Variants in XIRP2 observed in about 807,000 individuals in gnomAD.
XIRP2 encodes xin actin-binding repeat-containing protein 2.
Under a neutral mutation model 277.0 loss-of-function variants are expected in XIRP2, and 236 were observed. The observed-to-expected ratio is 0.85, with a 90% CI of 0.77 to 0.95. XIRP2 has a LOEUF of 0.95. Ranked by LOEUF, XIRP2 falls within the 40% of genes least tolerant of loss-of-function variation. The probability of loss-of-function intolerance (pLI) is 0.00; values close to 1 mark genes in which losing one functional copy is unlikely to be tolerated. For missense variants in XIRP2, 4,640 were observed against 4,157.5 expected, an observed-to-expected ratio of 1.12 and a Z score of -3.19; for synonymous variants, 1,490 against 1,416.5, an observed-to-expected ratio of 1.05 and a Z score of -1.17.
intron 2 of XIRP2, among the ~76,000 whole-genome samples, chr2:167,035,851 C>G (rs569033823): frequency 6.6e-5 from 10 of 152,312 alleles, no homozygotes; most frequent in Non-Finnish European, 1.5e-4. Flanking sequence ...TAACCCATGG[C>G]CCCTATGCTT....
chr2:166,941,928 A>G (rs1238661954), intron 2 of XIRP2, among the ~76,000 whole-genome samples: 3 of 152,252 alleles, frequency 2.0e-5, no homozygotes, highest in East Asian at 1.9e-4. Flanking sequence ...TAAAGTTACA[A>G]TAAAGAAACA....
intron 4 of XIRP2, among the ~76,000 whole-genome samples, chr2:167,211,150 G>A (rs1408434755): frequency 1.3e-5 from 2 of 151,992 alleles, no homozygotes; most frequent in African/African-American, 2.4e-5. Flanking sequence ...TGTCATCCAG[G>A]CTGGAGTGCA....
At chr2:167,149,200 A>G (rs1297165327) in intron 3 of XIRP2, among the ~76,000 whole-genome samples, 1 of 152,190 alleles carries the variant, frequency 6.6e-6, no homozygotes, top group Non-Finnish European at 1.5e-5. Context: ...CCAAATTCAC[A>G]TATTTGTGAG....
At chr2:166,926,252 A>G (rs991131054) in intron 2 of XIRP2, among the ~76,000 whole-genome samples, 1 of 151,984 alleles carries the variant, frequency 6.6e-6, no homozygotes, top group Non-Finnish European at 1.5e-5. Flanking sequence ...CATTTCTTTT[A>G]AAAATGTTTT....
At chr2:167,107,416 T>G (rs907070301) in intron 2 of XIRP2, among the ~76,000 whole-genome samples, 1 of 151,834 alleles carries the variant, frequency 6.6e-6, no homozygotes, top group African/African-American at 2.4e-5. Context: ...CATGGATTAG[T>G]GCTGAATTTT....
chr2:167,102,611 T>C (rs1690516523), intron 2 of XIRP2, among the ~76,000 whole-genome samples: 1 of 152,220 alleles, frequency 6.6e-6, no homozygotes, highest in Non-Finnish European at 1.5e-5. Flanking sequence ...ATGGTAACTA[T>C]ACCATTGTTT....
chr2:167,249,974 A>T lies in XIRP2; in HGVS notation c.8582A>T (p.His2861Leu). 6.2e-7 allele frequency: 1 copy of T among 1,613,658 alleles called. No homozygotes were observed. The highest frequency in any genetic ancestry group is 8.5e-7 in the Non-Finnish European group (1 of 1,179,706). ...GTCAAGCAAAAGGTTATCGATGCAC[A>T]TCTTGATTCACAGACTCAGAATTTT... ...KVVKQKVIDA[H>L]LDSQTQNFQQ... Residue 2861 changes from histidine to leucine, a missense_variant, in exon 9 of 11, where the codon CAT becomes CTT. Transcript: ENST00000409195.
rs185288310 is a variant in XIRP2 at position 166,999,431 on chromosome 2, C to G, written c.408+95541C>G. 7.5e-3 allele frequency among the ~76,000 whole-genome samples: 1,139 copies of G among 152,052 alleles called. 9 individuals are homozygous for G. The highest frequency in any genetic ancestry group is 9.5e-3 in the Non-Finnish European group (644 of 67,960). On this transcript the variant is annotated intron_variant, in intron 2 of 10. Coordinates refer to ENST00000409195, the MANE Select transcript of XIRP2 (RefSeq NM_152381.6). Reference sequence around the variant, plus strand: ...AAGGAAAAGGAAAAATAAAAAAGAGCAGTAGCCCAGGTACTGCTCTTTCAG... The same window carrying G: ...AAGGAAAAGGAAAAATAAAAAAGAGGAGTAGCCCAGGTACTGCTCTTTCAG...
intron 3 of XIRP2, among the ~76,000 whole-genome samples, chr2:167,145,532 T>C (rs1221522984): frequency 6.6e-6 from 1 of 152,202 alleles, no homozygotes; most frequent in Non-Finnish European, 1.5e-5. Context: ...CATAATATTT[T>C]TCATTGATCC....
chr2:167,214,667 G>A (rs1182154301), intron 4 of XIRP2, among the ~76,000 whole-genome samples: 15 of 151,824 alleles, frequency 9.9e-5, no homozygotes, highest in Admixed American at 2.0e-4. Flanking sequence ...CCTCAGTTCA[G>A]GCAAATCTCC....
In XIRP2 at chr2:167,253,928, T is replaced by C. The variant is rs1695586157; in HGVS notation, c.10556-104T>C. The C allele has an allele frequency of 2.3e-6, 3 of 1,319,770 alleles. No homozygotes were observed. In the East Asian group the frequency reaches 7.2e-5, roughly 32 times the overall value. 81.8% of individuals were successfully genotyped at this position (1,319,770 alleles called of 1,614,324 possible). ...AAGGACAGTAGTCTTAGAGCTTTTCTACTTTAACCGCATGGCCAGTTAATA... is the reference window on the plus strand; with the variant it reads ...AAGGACAGTAGTCTTAGAGCTTTTCCACTTTAACCGCATGGCCAGTTAATA... On this transcript the variant is annotated intron_variant, in intron 9 of 10. Coordinates refer to ENST00000409195, the MANE Select transcript of XIRP2 (RefSeq NM_152381.6).
Position 167,245,118 on chromosome 2 carries a change from T to A in XIRP2, c.3726T>A (p.Leu1242=). The change falls in exon 9 of 11, where the codon CTT becomes CTA. Residue 1242 remains leucine (L), a synonymous_variant. Coordinates refer to ENST00000409195, the MANE Select transcript of XIRP2 (RefSeq NM_152381.6). ...QKGNVLNCRW[L]FENQPIDKIK... ...GCAATGTTTTAAATTGTAGGTGGCT[T>A]TTTGAAAACCAACCAATTGATAAGA... 1 of 1,610,556 alleles carries A rather than the reference T, an allele frequency of 6.2e-7. No individual in the cohort carries two copies.
At chr2:166,937,491 G>A (rs1052363250) in intron 2 of XIRP2, among the ~76,000 whole-genome samples, 11 of 152,236 alleles carry the variant, frequency 7.2e-5, no homozygotes, top group African/African-American at 2.6e-4. Context: ...GCTGGATTTG[G>A]TTTGCCAGTA....
intron 3 of XIRP2, among the ~76,000 whole-genome samples, chr2:167,191,246 T>G (rs894414202): frequency 8.0e-5 from 12 of 149,950 alleles, no homozygotes; most frequent in African/African-American, 3.0e-4. Flanking sequence ...GAAAAGACAT[T>G]GCTAACACAA....
intron 3 of XIRP2, among the ~76,000 whole-genome samples, chr2:167,205,591 T>G (rs922629235): frequency 1.1e-4 from 17 of 152,134 alleles, no homozygotes; most frequent in African/African-American, 4.1e-4. Context: ...GGAATGGTCT[T>G]CTATCTCATT....
At chr2:167,088,707 A>C (rs1351650405) in intron 2 of XIRP2, among the ~76,000 whole-genome samples, 3 of 152,116 alleles carry the variant, frequency 2.0e-5, no homozygotes, top group Non-Finnish European at 2.9e-5. Flanking sequence ...AATTCCCCCA[A>C]ATCCCTAGCA....
chr2:167,091,639 T>G (rs190949958), intron 2 of XIRP2, among the ~76,000 whole-genome samples: 1 of 152,270 alleles, frequency 6.6e-6, no homozygotes, highest in East Asian at 1.9e-4. Flanking sequence ...CTCTAAGTTT[T>G]TTATGGCTTC....
chr2:167,182,905 T>C (rs1573939420), intron 3 of XIRP2, among the ~76,000 whole-genome samples: 2 of 152,170 alleles, frequency 1.3e-5, no homozygotes, highest in South Asian at 4.1e-4. Context: ...GCCAAATCAA[T>C]GTTGGTCTTT....
In XIRP2 at chr2:167,249,743, TG is replaced by T; in HGVS notation, c.8352del (p.Leu2784PhefsTer44). On this transcript the variant is annotated frameshift_variant, in exon 9 of 11. Coordinates refer to ENST00000409195, the MANE Select transcript of XIRP2 (RefSeq NM_152381.6). LOFTEE classifies it high-confidence loss of function. ...PKKEKRVTVQ[L>X]PTESIQKNQE... ...AAGGAGAAAAGAGTGACAGTACAAT[TG>T]CCTACAGAATCCATACAGAAGAACC... is the stretch of plus-strand genomic sequence containing the variant. 1.2e-6 allele frequency: 2 copies of T among 1,613,316 alleles called. No individual in the cohort carries two copies. The highest frequency in any genetic ancestry group is 1.1e-5 in the South Asian group (1 of 91,034).
Sources: allele counts gnomAD v4.1 joint callset (sites outside exome capture counted in the v4.1 genomes callset), GRCh38; gene constraint gnomAD v4.1.1; transcripts MANE v1.5; gene names NCBI Gene and HGNC (gene_info 2026-07-23, HGNC 2026-07-21).